RARS1: variants seen among roughly 807,000 people sequenced by gnomAD.
RARS1 encodes arginyl-tRNA synthetase 1.
Under a neutral mutation model 78.7 loss-of-function variants are expected in RARS1, and 75 were observed. That is an observed-to-expected ratio of 0.95 (90% confidence interval 0.79 to 1.15). RARS1 has a LOEUF of 1.15. Ranked by LOEUF, RARS1 falls within the 50% of genes most tolerant of loss-of-function variation. The probability of loss-of-function intolerance (pLI) is 0.00; values close to 1 mark genes in which losing one functional copy is unlikely to be tolerated. For synonymous variants in RARS1, 273 were observed against 268.2 expected, an observed-to-expected ratio of 1.02 and a Z score of -0.18; for missense variants, 787 against 787.5, an observed-to-expected ratio of 1.00 and a Z score of 0.01.
intron 11 of RARS1, among the ~76,000 whole-genome samples, chr5:168,507,388 C>T (rs165948): frequency 0.14 from 21,861 of 152,006 alleles, 1,783 homozygotes; most frequent in Middle Eastern, 0.18. Context: ...TAAATACAAC[C>T]GTGTTTCCAT....
chr5:168,487,972 T>C lies in RARS1; in HGVS notation c.46-630T>C, dbSNP rs1758003145. 2.6e-5 allele frequency among the ~76,000 whole-genome samples: 4 copies of C among 152,156 alleles called. 1 individual carries two copies. The South Asian group carries it at 8.3e-4, about 32-fold the overall frequency. On this transcript the variant is annotated intron_variant, in intron 1 of 14. Coordinates refer to ENST00000231572, the MANE Select transcript of RARS1 (RefSeq NM_002887.4). ...CATAGGATTTGGGAATAAAAGCAGGTTGGTCAACCTGAAACTTAACTACTC... is the reference window on the plus strand; with the variant it reads ...CATAGGATTTGGGAATAAAAGCAGGCTGGTCAACCTGAAACTTAACTACTC...
chr5:168,512,235 AT>A (rs1758577065), intron 12 of RARS1, among the ~76,000 whole-genome samples: 1 of 152,232 alleles, frequency 6.6e-6, no homozygotes, highest in Non-Finnish European at 1.5e-5. Context: ...ATTGATGGAC[AT>A]TAGGATTATT....
chr5:168,511,317 C>G (rs751145944), intron 12 of RARS1, among the ~76,000 whole-genome samples: 11 of 151,532 alleles, frequency 7.3e-5, no homozygotes, highest in Non-Finnish European at 1.5e-4. Flanking sequence ...AGCATGGCAC[C>G]AACATCAGTT....
At chr5:168,516,588 C>T (rs147444540) in intron 12 of RARS1, among the ~76,000 whole-genome samples, 190 bp from the exon 13 acceptor site, 1 of 152,240 alleles carries the variant, frequency 6.6e-6, no homozygotes, top group East Asian at 1.9e-4. Flanking sequence ...TTGTGCATAA[C>T]GCATTTTATA....
At chr5:168,486,773 C>T (rs953995167) in intron 1 of RARS1, among the ~76,000 whole-genome samples, 3 of 152,104 alleles carry the variant, frequency 2.0e-5, no homozygotes, top group Admixed American at 6.5e-5. Context: ...CACCCTCTCC[C>T]AGGCCTCCCC....
chr5:168,519,289 T>G lies in RARS1; in HGVS notation c.*99T>G, dbSNP rs1271672393. 1 of 882,330 alleles carries G rather than the reference T, an allele frequency of 1.1e-6. No homozygotes were observed. The highest frequency in any genetic ancestry group is 1.7e-6 in the Non-Finnish European group (1 of 573,992). 54.7% of individuals were successfully genotyped at this position (882,330 alleles called of 1,614,324 possible). On this transcript the variant is annotated 3_prime_UTR_variant, in exon 15 of 15. Transcript: ENST00000231572. ...TGGACACAAGCATAAGTAAAGAAAA[T>G]TTGTCAACCAGGCAAAATGTGGTTC...
At chr5:168,491,085 C>G (rs11738672) in intron 2 of RARS1, among the ~76,000 whole-genome samples, 19,755 of 152,114 alleles carry the variant, frequency 0.13, 1,697 homozygotes, top group Non-Finnish European at 0.19. Context: ...TGCAGTGAGC[C>G]AAAATCGTGC....
intron 9 of RARS1, among the ~76,000 whole-genome samples, chr5:168,504,675 A>C (rs911548928): frequency 1.3e-5 from 2 of 151,306 alleles, no homozygotes; most frequent in Non-Finnish European, 2.9e-5. Context: ...AATACAAAAA[A>C]TTAGCTGGGC....
At chr5:168,490,862 C>T (rs907513245) in intron 2 of RARS1, among the ~76,000 whole-genome samples, 3 of 152,152 alleles carry the variant, frequency 2.0e-5, no homozygotes, top group East Asian at 1.9e-4. Flanking sequence ...TGAGGTTGGG[C>T]GCAGTGGCTC....
chr5:168,513,761 C>T (rs1369776624), intron 12 of RARS1, among the ~76,000 whole-genome samples: 1 of 152,110 alleles, frequency 6.6e-6, no homozygotes, highest in Non-Finnish European at 1.5e-5. Context: ...TATATTTTCG[C>T]CCTTTCCTGC....
chr5:168,501,046 G>A (rs1758309486), intron 8 of RARS1, among the ~76,000 whole-genome samples: 2 of 152,174 alleles, frequency 1.3e-5, no homozygotes, highest in African/African-American at 4.8e-5. Context: ...CCAAAATGAT[G>A]AGAAGTGTAC....
At position 168,519,264 on chromosome 5, in the gene RARS1, T is replaced by A; in HGVS notation, c.*74T>A. 1 of 1,139,698 alleles carries A rather than the reference T, an allele frequency of 8.8e-7. No individual in the cohort carries two copies. The highest frequency in any genetic ancestry group is 1.6e-5 in the African/African-American group (1 of 64,112). 70.6% of individuals were successfully genotyped at this position (1,139,698 alleles called of 1,614,324 possible). ...CACTGTTTGCTTTTTTACAATCATG[T>A]GGACACAAGCATAAGTAAAGAAAAT... is the stretch of plus-strand genomic sequence containing the variant. On this transcript the variant is annotated 3_prime_UTR_variant, in exon 15 of 15. Transcript: ENST00000231572.
intron 12 of RARS1, among the ~76,000 whole-genome samples, chr5:168,516,217 G>A (rs1351310837): frequency 6.6e-6 from 1 of 152,068 alleles, no homozygotes; most frequent in Non-Finnish European, 1.5e-5. Flanking sequence ...GTTGCTTTTG[G>A]TAGAATGGTT....
At chr5:168,501,356 A>G (rs1204715693) in intron 8 of RARS1, among the ~76,000 whole-genome samples, 2 of 148,278 alleles carry the variant, frequency 1.3e-5, no homozygotes, top group Non-Finnish European at 3.0e-5. Flanking sequence ...CCAGAAGAAA[A>G]TTCAGTAAAT....
chr5:168,514,234 T>C lies in RARS1; in HGVS notation c.1453-2544T>C, dbSNP rs549278605. Among the ~76,000 whole-genome samples, 7 of 152,286 alleles carry C rather than the reference T, an allele frequency of 4.6e-5. No homozygotes were observed. The South Asian group carries it at 1.5e-3, about 32-fold the overall frequency. ...TTTTACCCTTTGGGGGCTGCCAAAC[T>C]TCCTAAATCTGTGGGTTGAGTTCTT... is the stretch of plus-strand genomic sequence containing the variant. On this transcript the variant is annotated intron_variant, in intron 12 of 14. Coordinates refer to ENST00000231572, the MANE Select transcript of RARS1 (RefSeq NM_002887.4).
chr5:168,494,521 T>C, intron 4 of RARS1, 29 bp from the exon 5 acceptor site: 1 of 1,605,114 alleles, frequency 6.2e-7, no homozygotes, highest in Non-Finnish European at 8.5e-7. Context: ...TAAGACAGTA[T>C]CTGATATTTT....
chr5:168,499,894 T>G (rs1758279640), intron 7 of RARS1, among the ~76,000 whole-genome samples: 1 of 152,024 alleles, frequency 6.6e-6, no homozygotes, highest in African/African-American at 2.4e-5. Flanking sequence ...TAAAAAATAA[T>G]AATAATAAGT....
At chr5:168,499,086 G>A (rs934540628) in intron 7 of RARS1, among the ~76,000 whole-genome samples, 1 of 152,176 alleles carries the variant, frequency 6.6e-6, no homozygotes, top group South Asian at 2.1e-4. Flanking sequence ...GGGAGGCTGA[G>A]GCAGGCAGAT....
At position 168,487,237 on chromosome 5, in the gene RARS1, G is replaced by T. The variant is rs546819414; in HGVS notation, c.45+694G>T. Among the ~76,000 whole-genome samples the T allele has an allele frequency of 7.0e-3, 1,043 of 149,884 alleles. 7 individuals are homozygous for T. The highest frequency in any genetic ancestry group is 0.011 in the Non-Finnish European group (757 of 67,542). On this transcript the variant is annotated intron_variant, in intron 1 of 14. Transcript: ENST00000231572. ...AACTTAACCGGCTGTGTTGGGGGGG[G>T]TCCCTGTATTCCTAGCTACTCGGGA... is the stretch of plus-strand genomic sequence containing the variant.
Sources: gnomAD v4.1 joint callset for allele counts (sites outside exome capture counted in the v4.1 genomes callset) on GRCh38, gnomAD v4.1.1 for gene constraint, MANE v1.5 for transcripts, NCBI Gene and HGNC (gene_info 2026-07-23, HGNC 2026-07-21) for gene names.